COL24A1: variants seen among roughly 807,000 people sequenced by gnomAD.
COL24A1 encodes collagen type XXIV alpha 1 chain, also known as collagen alpha-1(XXIV) chain.
COL24A1 carries 224 observed loss-of-function variants against 253.9 expected under a neutral mutation model. That is an observed-to-expected ratio of 0.88 (90% confidence interval 0.79 to 0.99). COL24A1 has a LOEUF of 0.99. Among genes scored for constraint, COL24A1 ranks in the 50% least tolerant of loss-of-function variants. The pLI, the probability that COL24A1 is intolerant of heterozygous loss-of-function variation, is 0.00. For missense variants in COL24A1, 2,131 were observed against 2,068.5 expected, an observed-to-expected ratio of 1.03 and a Z score of -0.59; for synonymous variants, 685 against 673.7, an observed-to-expected ratio of 1.02 and a Z score of -0.26.
chr1:85,961,500 C>T (rs1334818733), intron 23 of COL24A1, among the ~76,000 whole-genome samples: 1 of 152,108 alleles, frequency 6.6e-6, no homozygotes, highest in African/African-American at 2.4e-5. Context: ...ACATCCTGCA[C>T]ATGTACCCCA....
intron 24 of COL24A1, among the ~76,000 whole-genome samples, chr1:85,920,948 A>C (rs1218477655): frequency 2.6e-5 from 4 of 152,138 alleles, no homozygotes; most frequent in African/African-American, 4.8e-5. Context: ...AAACAAAAAC[A>C]AAAGAAAGAG....
At chr1:85,877,071 C>T in intron 33 of COL24A1, 51 bp downstream of exon 33, 1 of 1,315,952 alleles carries the variant, frequency 7.6e-7, no homozygotes, top group Non-Finnish European at 1.1e-6. Flanking sequence ...ACCTTAGAGT[C>T]TTACAAAAAG....
chr1:85,855,241 G>T (rs147474789), intron 37 of COL24A1, among the ~76,000 whole-genome samples: 4 of 152,120 alleles, frequency 2.6e-5, no homozygotes, highest in African/African-American at 9.6e-5. Flanking sequence ...TTGTCTGACT[G>T]CTGTGACTGA....
At chr1:85,924,471 C>T (rs1366608024) in intron 24 of COL24A1, among the ~76,000 whole-genome samples, 45 of 152,302 alleles carry the variant, frequency 3.0e-4, no homozygotes, top group Non-Finnish European at 2.8e-4. Flanking sequence ...GCTTATCCAC[C>T]ATTACCAAGT....
chr1:86,107,456 T>C (rs1705094525), intron 5 of COL24A1, among the ~76,000 whole-genome samples: 1 of 152,184 alleles, frequency 6.6e-6, no homozygotes, highest in African/African-American at 2.4e-5. Context: ...AAAATCGGTT[T>C]CACAAAATCA....
intron 19 of COL24A1, among the ~76,000 whole-genome samples, chr1:86,009,481 T>C (rs761769468): frequency 2.6e-5 from 4 of 152,202 alleles, no homozygotes; most frequent in Non-Finnish European, 5.9e-5. Context: ...GCTTCTAGGC[T>C]ACAAACCTGT....
At chr1:85,768,903 G>A (rs1302946176) in intron 53 of COL24A1, among the ~76,000 whole-genome samples, 2 of 152,262 alleles carry the variant, frequency 1.3e-5, no homozygotes, top group East Asian at 3.9e-4. Flanking sequence ...TGGGTACTAG[G>A]TGGTAACAAC....
At chr1:85,856,511 T>C (rs1471999062) in intron 37 of COL24A1, among the ~76,000 whole-genome samples, 1 of 152,192 alleles carries the variant, frequency 6.6e-6, no homozygotes, top group Non-Finnish European at 1.5e-5. Context: ...TTTGAGAAAT[T>C]TGTATTCTAA....
Position 85,877,749 on chromosome 1 carries a change from CTCATTCAT to C in COL24A1, c.2977-582_2977-575del, listed in dbSNP as rs569540276. Among the ~76,000 whole-genome samples the C allele has an allele frequency of 3.0e-3, 455 of 152,292 alleles. 1 individual carries two copies. Among genetic ancestry groups the C allele is most frequent in the Middle Eastern group, 0.01 (3 of 294 alleles). ...ATTCATTCTTTTATTCTTTAATGCA[CTCATTCAT>C]TCAACATTTATTAAGCACCTCATAA... is the stretch of plus-strand genomic sequence containing the variant. On this transcript the variant is annotated intron_variant, in intron 32 of 59. Transcript: ENST00000370571.
At chr1:86,101,166 T>G (rs1704420829) in intron 5 of COL24A1, among the ~76,000 whole-genome samples, 1 of 152,080 alleles carries the variant, frequency 6.6e-6, no homozygotes, top group Non-Finnish European at 1.5e-5. Flanking sequence ...TGAATTGAAT[T>G]GTTGCATATC....
intron 5 of COL24A1, among the ~76,000 whole-genome samples, chr1:86,108,620 T>TAAAAAAAAAAAAAAAAAAAA (rs55852463): frequency 6.0e-5 from 5 of 83,102 alleles, no homozygotes; most frequent in African/African-American, 2.6e-4. Context: ...CCATCTCTAC[T>TAAAAAAAAAAAAAAAAAAAA]AAAAAAAAAA....
At chr1:86,093,856 G>C (rs1571895602) in intron 5 of COL24A1, among the ~76,000 whole-genome samples, 1 of 151,850 alleles carries the variant, frequency 6.6e-6, no homozygotes, top group East Asian at 1.9e-4. Context: ...TTCAAAAGAG[G>C]ACATAAATGC....
chr1:85,991,985 A>T (rs755691318), intron 19 of COL24A1, among the ~76,000 whole-genome samples: 11 of 151,690 alleles, frequency 7.3e-5, no homozygotes, highest in Admixed American at 3.3e-4. Context: ...TATGTTACAT[A>T]TGTAACAACA....
intron 57 of COL24A1, among the ~76,000 whole-genome samples, chr1:85,744,277 T>C (rs752125932): frequency 6.6e-6 from 1 of 152,040 alleles, no homozygotes; most frequent in Non-Finnish European, 1.5e-5. Flanking sequence ...CCATTTTGTA[T>C]TAAAAAAAAC....
chr1:85,763,492 C>CT (rs371408246), intron 53 of COL24A1, among the ~76,000 whole-genome samples: 62,908 of 124,506 alleles, frequency 0.51, 17,842 homozygotes, highest in Non-Finnish European at 0.63. Flanking sequence ...CTTTTACTTT[C>CT]TTTTTTTTTT....
chr1:86,020,057 C>CTT (rs1559028671), intron 18 of COL24A1, among the ~76,000 whole-genome samples: 4 of 82,312 alleles, frequency 4.9e-5, no homozygotes, highest in African/African-American at 1.2e-4. Flanking sequence ...TTTTTTCATT[C>CTT]TTTCTTTTTT....
At chr1:85,970,083 T>C (rs1691989376) in intron 22 of COL24A1, 144 bp downstream of exon 22, 1 of 679,558 alleles carries the variant, frequency 1.5e-6, no homozygotes, top group Non-Finnish European at 2.4e-6. Flanking sequence ...TATTGGCCTA[T>C]TTTATTTTGG....
At chr1:85,774,627 C>A (rs1051087910) in intron 53 of COL24A1, among the ~76,000 whole-genome samples, 1 of 152,114 alleles carries the variant, frequency 6.6e-6, no homozygotes, top group African/African-American at 2.4e-5. Flanking sequence ...GGAATTTATC[C>A]ATTTCTTTTA....
At chr1:86,110,150 A>G (rs1291668574) in intron 5 of COL24A1, among the ~76,000 whole-genome samples, 1 of 151,842 alleles carries the variant, frequency 6.6e-6, no homozygotes, top group Non-Finnish European at 1.5e-5. Context: ...TTTATTTTAT[A>G]TATTTTAAGG....
Sources: allele counts gnomAD v4.1 joint callset (sites outside exome capture counted in the v4.1 genomes callset), GRCh38; gene constraint gnomAD v4.1.1; transcripts MANE v1.5; gene names NCBI Gene and HGNC (gene_info 2026-07-23, HGNC 2026-07-21).